Variants in CC2D2A observed in about 807,000 individuals in gnomAD.
CC2D2A encodes the protein coiled-coil and C2 domain containing 2A.
CC2D2A carries 155 observed loss-of-function variants against 212.9 expected under a neutral mutation model. That is an observed-to-expected ratio of 0.73 (90% CI 0.64 to 0.83). The LOEUF (loss-of-function observed/expected upper bound fraction) is 0.83, where lower values mean the gene tolerates loss of function less well. Ranked by LOEUF, CC2D2A falls within the 40% of genes least tolerant of loss-of-function variation. The pLI, the probability that CC2D2A is intolerant of heterozygous loss-of-function variation, is 0.00. For synonymous variants in CC2D2A, 667 were observed against 686.5 expected (o/e 0.97, Z 0.44); for missense variants, 1,856 against 1,956.2 (o/e 0.95, Z 0.97).
Position 15,553,128 on chromosome 4 carries a change from A to G in CC2D2A, c.2339-30A>G, listed in dbSNP as rs1719090391. 2.6e-6 allele frequency: 4 copies of G among 1,560,090 alleles called. No individual in the cohort carries two copies. The East Asian group carries it at 9.3e-5, about 36-fold the overall frequency. The stretch of plus-strand genomic sequence containing the variant: ...CTAGGCTCAGTCCCTCTTTCTAAAC[A>G]GCATCCTGTTTAATCTGGTGTTTCC... On this transcript the variant is annotated intron_variant, in intron 18 of 36. Transcript: ENST00000424120.
chr4:15,477,159 A>G (rs191772972), intron 2 of CC2D2A, among the ~76,000 whole-genome samples: 602 of 152,130 alleles, frequency 4.0e-3, no homozygotes, highest in Non-Finnish European at 6.5e-3. Flanking sequence ...AAAATTAGTC[A>G]GGCGTGGTGA....
chr4:15,573,947 A>T (rs1365877826), intron 28 of CC2D2A, among the ~76,000 whole-genome samples: 2 of 152,236 alleles, frequency 1.3e-5, no homozygotes, highest in Non-Finnish European at 2.9e-5. Context: ...ACCCTCTGCT[A>T]AACAATGAAA....
At chr4:15,512,012 A>T (rs1203079727) in intron 8 of CC2D2A, among the ~76,000 whole-genome samples, 1 of 152,264 alleles carries the variant, frequency 6.6e-6, no homozygotes, top group African/African-American at 2.4e-5. Context: ...AATCAAACCC[A>T]CAATGAGATA....
At chr4:15,514,662 G>A (rs749960888) in intron 8 of CC2D2A, 45 bp from the exon 9 acceptor site, 1 of 1,391,582 alleles carries the variant, frequency 7.2e-7, no homozygotes, top group Admixed American at 2.5e-5. Flanking sequence ...TTCTAACTAA[G>A]AATCTTAGCA....
At chr4:15,544,031 A>C (rs763220256) in intron 17 of CC2D2A, 3 of 152,230 alleles carry the variant, frequency 2.0e-5, no homozygotes, top group Non-Finnish European at 1.5e-5. Flanking sequence ...TTTGGATGGA[A>C]CATTTAAAAT....
rs143097921 is a variant in CC2D2A at position 15,561,508 on chromosome 4, A to C, written c.3014+886A>C. The stretch of plus-strand genomic sequence containing the variant: ...ATGTTTTCAAAGTCATGAAAATTAC[A>C]CTTAGAATAGATGATGATTTTTCAT... On this transcript the variant is annotated intron_variant, in intron 23 of 36. Transcript: ENST00000424120. 8 of 152,064 alleles carry C rather than the reference A, an allele frequency of 5.3e-5. No homozygotes were observed. In the East Asian group the frequency reaches 1.5e-3, roughly 29 times the overall value. The allele number at this position is 152,064 out of a possible 1,614,324, so 9.4% of individuals were successfully genotyped here.
At chr4:15,599,733 A>T (rs1489809953) in intron 36 of CC2D2A, 27 bp downstream of exon 36, 2 of 1,542,246 alleles carry the variant, frequency 1.3e-6, no homozygotes, top group Admixed American at 3.7e-5. Flanking sequence ...TCCTAAACTG[A>T]CTGTGGATTT....
intron 28 of CC2D2A, among the ~76,000 whole-genome samples, chr4:15,571,797 C>T: frequency 6.6e-6 from 1 of 152,126 alleles, no homozygotes. Context: ...TTCAAGAGCA[C>T]ATTATTTTGC....
intron 18 of CC2D2A, among the ~76,000 whole-genome samples, chr4:15,551,600 T>C (rs947686701): frequency 6.6e-6 from 1 of 152,222 alleles, no homozygotes; most frequent in Non-Finnish European, 1.5e-5. Flanking sequence ...AATTACTGTA[T>C]ATTTCAACTC....
intron 13 of CC2D2A, among the ~76,000 whole-genome samples, chr4:15,531,903 G>A (rs1055194257): frequency 1.3e-5 from 2 of 152,158 alleles, no homozygotes; most frequent in African/African-American, 2.4e-5. Context: ...CATAGGAGAC[G>A]AACTGACCAC....
chr4:15,589,721 T>G, intron 33 of CC2D2A, 42 bp downstream of exon 33: 1 of 1,371,282 alleles, frequency 7.3e-7, no homozygotes, highest in Non-Finnish European at 9.5e-7. Flanking sequence ...TAGCTGTCGT[T>G]TCTTTTAAAT....
intron 35 of CC2D2A, among the ~76,000 whole-genome samples, chr4:15,598,582 C>T (rs4423870): frequency 0.76 from 114,927 of 152,088 alleles, 43,681 homozygotes; most frequent in East Asian, 0.91. Flanking sequence ...TAGTAGCTAT[C>T]TTCCTTCATT....
Position 15,500,447 on chromosome 4 carries a change from A to C in CC2D2A, c.248-1982A>C, listed in dbSNP as rs756742756. 8.2e-4 allele frequency among the ~76,000 whole-genome samples: 125 copies of C among 152,170 alleles called. 2 individuals carry two copies. Among genetic ancestry groups the C allele is most frequent in the Non-Finnish European group, 3.4e-4 (23 of 68,026 alleles). On this transcript the variant is annotated intron_variant, in intron 4 of 36. Coordinates refer to ENST00000424120, the MANE Select transcript of CC2D2A (RefSeq NM_001378615.1). ...ATGAAAAATGACTTGATTTTAAGTG[A>C]GTTTTAAAAGAATGCCAAAGGCCAT...
chr4:15,557,975 T>G (rs2110361), intron 21 of CC2D2A, among the ~76,000 whole-genome samples: 67,943 of 151,704 alleles, frequency 0.45, 15,464 homozygotes, highest in African/African-American at 0.51. Context: ...GGGTGGGGCA[T>G]GAAGGAGGTA....
At chr4:15,548,041 A>AAAAAAAT (rs1247234157) in intron 17 of CC2D2A, among the ~76,000 whole-genome samples, 1 of 152,154 alleles carries the variant, frequency 6.6e-6, no homozygotes, top group East Asian at 1.9e-4. Flanking sequence ...CTCCGTATCC[A>AAAAAAAT]AAAAAATAAA....
intron 13 of CC2D2A, among the ~76,000 whole-genome samples, chr4:15,532,419 G>A (rs1438307109): frequency 1.3e-5 from 2 of 152,028 alleles, no homozygotes; most frequent in Non-Finnish European, 2.9e-5. Flanking sequence ...CTACATCCTT[G>A]GTTCCTCATG....
chr4:15,601,120 AAC>A, intron 36 of CC2D2A, 115 bp from the exon 37 acceptor site: 2 of 822,022 alleles, frequency 2.4e-6, no homozygotes, highest in Non-Finnish European at 3.7e-6. Flanking sequence ...TGAGTAGAAA[AAC>A]ACAAGCAAAT....
intron 17 of CC2D2A, chr4:15,543,794 G>A (rs1268699948): frequency 1.3e-5 from 2 of 152,258 alleles, no homozygotes; most frequent in Admixed American, 1.3e-4. Context: ...AGTGTCAGTG[G>A]GGTCTGTTAT....
At chr4:15,490,725 G>T (rs943529093) in intron 4 of CC2D2A, among the ~76,000 whole-genome samples, 1 of 151,946 alleles carries the variant, frequency 6.6e-6, no homozygotes, top group Admixed American at 6.6e-5. Context: ...CCGCCTCTAA[G>T]GAAAGAAAAA....
Sources: allele counts gnomAD v4.1 joint callset (sites outside exome capture counted in the v4.1 genomes callset), GRCh38; gene constraint gnomAD v4.1.1; transcripts MANE v1.5; gene names NCBI Gene and HGNC (gene_info 2026-07-23, HGNC 2026-07-21).